RNF4: variants seen among roughly 807,000 people sequenced by gnomAD.
RNF4 encodes E3 ubiquitin-protein ligase RNF4.
Under a neutral mutation model 24.3 loss-of-function variants are expected in RNF4, and 7 were observed. The observed-to-expected ratio is 0.29, with a 90% CI of 0.16 to 0.54. The LOEUF is 0.54. Ranked by LOEUF, RNF4 falls within the 20% of genes least tolerant of loss-of-function variation. The pLI is 0.95. For synonymous variants in RNF4, 83 were observed against 84.3 expected (o/e 0.98, Z 0.09); for missense variants, 209 against 248.5 (o/e 0.84, Z 1.07).
At chr4:2,494,401 G>C (rs1395294877) in intron 2 of RNF4, among the ~76,000 whole-genome samples, 17 of 126,390 alleles carry the variant, frequency 1.3e-4, no homozygotes, top group Non-Finnish European at 2.2e-4. Flanking sequence ...TTTGGAGACA[G>C]AGTCTCACTC....
At chr4:2,496,000 C>G (rs1735726032) in intron 2 of RNF4, among the ~76,000 whole-genome samples, 1 of 152,178 alleles carries the variant, frequency 6.6e-6, no homozygotes. Context: ...ACCAGAAATG[C>G]TGGAGCATAT....
In RNF4 at chr4:2,472,315, G is replaced by C. The variant is rs116950939; in HGVS notation, c.-158+3057G>C. Among the ~76,000 whole-genome samples the C allele has an allele frequency of 1.3e-4, 20 of 152,300 alleles. No individual in the cohort carries two copies. In the East Asian group the frequency reaches 3.9e-3, roughly 29 times the overall value. On this transcript the variant is annotated intron_variant, in intron 1 of 7. Transcript: ENST00000314289. ...TTGAGATCTACAGCTCAGAAAAAAA[G>C]ATTTCTTTCAAAATATTACTGCTCA...
At chr4:2,477,777 T>C (rs747033946) in intron 1 of RNF4, among the ~76,000 whole-genome samples, 1 of 152,208 alleles carries the variant, frequency 6.6e-6, no homozygotes, top group African/African-American at 2.4e-5. Flanking sequence ...GTCTCAGGTA[T>C]GTCTTTATTA....
rs751523263 is a variant in RNF4, at chr4:2,511,984, T to A, written c.214+19T>A. The A allele has an allele frequency of 4.4e-6, 7 of 1,602,410 alleles. No homozygotes were observed. Among genetic ancestry groups the A allele is most frequent in the African/African-American group, 4.0e-5 (3 of 74,764 alleles). Reference sequence around the variant, plus strand: ...GTTGACGGTGAGTGGTTTCGTTTCCTTTTTCACTGGGTTTGGAGAGGAAAC... The same window carrying A: ...GTTGACGGTGAGTGGTTTCGTTTCCATTTTCACTGGGTTTGGAGAGGAAAC... On this transcript the variant is annotated intron_variant, in intron 5 of 7. Coordinates refer to ENST00000314289, the MANE Select transcript of RNF4 (RefSeq NM_002938.5).
Position 2,512,974 on chromosome 4 carries a change from A to C in RNF4, c.375-109A>C, listed in dbSNP as rs1318306373. On this transcript the variant is annotated intron_variant, in intron 6 of 7. Coordinates refer to ENST00000314289, the MANE Select transcript of RNF4 (RefSeq NM_002938.5). The surrounding 1 kb of genome is among the most constrained non-coding windows in gnomAD (Gnocchi z 4.1). ...CGGATGCCCGCGCTAAGGCAGAGTCAGGAGGCCAGGGACGGGACTCTTGTA... is the reference window on the plus strand; with the variant it reads ...CGGATGCCCGCGCTAAGGCAGAGTCCGGAGGCCAGGGACGGGACTCTTGTA... The C allele has an allele frequency of 3.7e-6, 4 of 1,072,414 alleles. No individual in the cohort carries two copies. The East Asian group carries it at 9.5e-5, about 25-fold the overall frequency. The allele number at this position is 1,072,414 out of a possible 1,614,324, so 66.4% of individuals were successfully genotyped here.
chr4:2,482,734 A>G lies in RNF4; in HGVS notation c.-157-7603A>G, dbSNP rs571416975. Among the ~76,000 whole-genome samples, 10 of 152,332 alleles carry G rather than the reference A, an allele frequency of 6.6e-5. No homozygotes were observed. The East Asian group carries it at 1.7e-3, about 26-fold the overall frequency. Reference sequence around the variant, plus strand: ...CAAGCCTCATTGCCTCTCTGAGCATAGTCTGCTGCTTTCTGCTTTGATCAA... The same window carrying G: ...CAAGCCTCATTGCCTCTCTGAGCATGGTCTGCTGCTTTCTGCTTTGATCAA... On this transcript the variant is annotated intron_variant, in intron 1 of 7. Coordinates refer to ENST00000314289, the MANE Select transcript of RNF4 (RefSeq NM_002938.5).
At chr4:2,470,927 T>G (rs1220429710) in intron 1 of RNF4, 6 of 152,004 alleles carry the variant, frequency 3.9e-5, no homozygotes, top group Non-Finnish European at 8.8e-5. Flanking sequence ...TTTGTGTCTC[T>G]TGTGTCACGT....
At chr4:2,491,535 C>G in intron 2 of RNF4, among the ~76,000 whole-genome samples, 1 of 152,048 alleles carries the variant, frequency 6.6e-6, no homozygotes, top group East Asian at 1.9e-4. Flanking sequence ...CTCCGCCTCC[C>G]AGGTTCAAGC....
At chr4:2,490,647 G>A (rs553930174) in intron 2 of RNF4, 145 bp downstream of exon 2, 26 of 795,462 alleles carry the variant, frequency 3.3e-5, no homozygotes, top group Admixed American at 2.6e-4. Context: ...GAGCTTTCTG[G>A]TGGTTACATC....
intron 1 of RNF4, among the ~76,000 whole-genome samples, chr4:2,476,962 A>G (rs148494198): frequency 1.1e-3 from 165 of 151,174 alleles, no homozygotes; most frequent in African/African-American, 3.9e-3. Flanking sequence ...TTGTATTTTT[A>G]TTAGAGACAG....
At chr4:2,474,510 T>G (rs1283889444) in intron 1 of RNF4, among the ~76,000 whole-genome samples, 1 of 152,190 alleles carries the variant, frequency 6.6e-6, no homozygotes, top group Non-Finnish European at 1.5e-5. Context: ...GAGGTGGAAT[T>G]TACTGCTGAA....
At chr4:2,510,639 T>G (rs1736246056) in intron 4 of RNF4, among the ~76,000 whole-genome samples, 1 of 151,884 alleles carries the variant, frequency 6.6e-6, no homozygotes, top group Non-Finnish European at 1.5e-5. Context: ...GGAGTCAGAG[T>G]AGAGGATTAG....
At chr4:2,510,629 G>A (rs1055590079) in intron 4 of RNF4, among the ~76,000 whole-genome samples, 1 of 152,246 alleles carries the variant, frequency 6.6e-6, no homozygotes, top group Admixed American at 6.5e-5. Context: ...TGGCTGCACG[G>A]GAGTCAGAGT....
intron 2 of RNF4, among the ~76,000 whole-genome samples, chr4:2,492,413 A>T (rs1578511490): frequency 6.6e-6 from 1 of 152,214 alleles, no homozygotes; most frequent in South Asian, 2.1e-4. Context: ...TCTCGAGGAG[A>T]TTACCTGAAG....
intron 4 of RNF4, among the ~76,000 whole-genome samples, chr4:2,508,111 T>C (rs540353027): frequency 5.3e-5 from 8 of 152,296 alleles, no homozygotes; most frequent in African/African-American, 1.7e-4. Flanking sequence ...CCTCCCAGGG[T>C]GCTGGGATTG....
rs147544156 is a variant in RNF4, at chr4:2,500,469, T to A, written c.125-190T>A. Among the ~76,000 whole-genome samples the A allele has an allele frequency of 8.5e-5, 13 of 152,306 alleles. No individual in the cohort carries two copies. In the East Asian group the frequency reaches 1.9e-3, roughly 23 times the overall value. ...CCATACCTCCCCACTCAGAGCAGAA[T>A]TCTGGAAGGGTGGTTACTGGCTTTC... is the stretch of plus-strand genomic sequence containing the variant. On this transcript the variant is annotated intron_variant, in intron 3 of 7. Coordinates refer to ENST00000314289, the MANE Select transcript of RNF4 (RefSeq NM_002938.5).
chr4:2,504,524 T>TTCATTTA (rs374653424), intron 4 of RNF4, among the ~76,000 whole-genome samples: 6 of 140,860 alleles, frequency 4.3e-5, no homozygotes, highest in African/African-American at 1.6e-4. Flanking sequence ...GTTTTATAGC[T>TTCATTTA]TTTATTTATT....
chr4:2,513,042 T>A (rs761537763), intron 6 of RNF4, 41 bp from the exon 7 acceptor site: 1 of 1,598,202 alleles, frequency 6.3e-7, no homozygotes, highest in South Asian at 1.1e-5. Flanking sequence ...ATAAAATGTT[T>A]GCGTTGACTG....
intron 2 of RNF4, chr4:2,490,838 C>T (rs553039567): frequency 1.2e-4 from 24 of 201,908 alleles, no homozygotes; most frequent in Non-Finnish European, 1.8e-4. Flanking sequence ...CATGGTGGCT[C>T]ATGTGTAATC....
Sources: allele counts gnomAD v4.1 joint callset (sites outside exome capture counted in the v4.1 genomes callset), GRCh38; gene constraint gnomAD v4.1.1; non-coding constraint Gnocchi (gnomAD v3.1); transcripts MANE v1.5; gene names NCBI Gene and HGNC (gene_info 2026-07-23, HGNC 2026-07-21).